Variants in LRRC49 observed in about 807,000 individuals in gnomAD.
LRRC49 encodes the protein leucine rich repeat containing 49, also known as leucine-rich repeat-containing protein 49.
In LRRC49, 50 loss-of-function variants were observed where a neutral mutation model predicts 83.3. The ratio of observed to expected loss-of-function variants is 0.60; its 90% confidence interval spans 0.48 to 0.76. The LOEUF is 0.76. Among genes scored for constraint, LRRC49 ranks in the 30% least tolerant of loss-of-function variants. The pLI is 0.00. For missense variants in LRRC49, 704 were observed against 809.1 expected (o/e 0.87, Z 1.58); for synonymous variants, 286 against 283.3 (o/e 1.01, Z -0.10).
intron 1 of LRRC49, among the ~76,000 whole-genome samples, chr15:70,872,020 G>C (rs914589800): frequency 1.5e-4 from 23 of 152,312 alleles, no homozygotes; most frequent in African/African-American, 4.6e-4. Context: ...CTGCAATCTC[G>C]GCACTTTGGG....
intron 11 of LRRC49, chr15:70,984,696 G>T (rs1395512402): frequency 6.6e-6 from 1 of 152,494 alleles, no homozygotes; most frequent in African/African-American, 2.4e-5. Context: ...AGTTACATAT[G>T]TATACATGTG....
rs1429221131 is a variant in LRRC49 at position 71,050,216 on chromosome 15, AGGTCCTG to A, written c.*607_*613del. On this transcript the variant is annotated 3_prime_UTR_variant, in exon 16 of 16. Transcript: ENST00000260382. Reference sequence around the variant, plus strand: ...GAATGCATTCTCAGGGAACCACAGGAGGTCCTGGGAATCACTATGGGCAGAGAATATG... The same window carrying A: ...GAATGCATTCTCAGGGAACCACAGGAGGAATCACTATGGGCAGAGAATATG... The A allele has an allele frequency of 7.4e-6, 1 of 135,778 alleles. No individual in the cohort carries two copies. Among genetic ancestry groups the A allele is most frequent in the Admixed American group, 7.9e-5 (1 of 12,698 alleles). The allele number at this position is 135,778 out of a possible 1,614,324, so 8.4% of individuals were successfully genotyped here.
chr15:70,955,602 A>G (rs2036371639), intron 8 of LRRC49, among the ~76,000 whole-genome samples: 1 of 152,218 alleles, frequency 6.6e-6, no homozygotes, highest in African/African-American at 2.4e-5. Flanking sequence ...CTTGAAGATC[A>G]TGTAAACCAA....
chr15:70,904,768 G>C lies in LRRC49; in HGVS notation c.500+13G>C. ...TGGGGAAAAACAGGTATTCTTTGTAGAGCAGTTTTTGTAGCCTAATGTTAT... is the reference window on the plus strand; with the variant it reads ...TGGGGAAAAACAGGTATTCTTTGTACAGCAGTTTTTGTAGCCTAATGTTAT... On this transcript the variant is annotated intron_variant, in intron 5 of 15. Transcript: ENST00000260382. 1 of 1,598,156 alleles carries C rather than the reference G, an allele frequency of 6.3e-7. No homozygotes were observed. Among genetic ancestry groups the C allele is most frequent in the African/African-American group, 1.3e-5 (1 of 74,596 alleles).
chr15:70,904,262 T>G (rs2034205555), intron 4 of LRRC49, among the ~76,000 whole-genome samples: 1 of 152,196 alleles, frequency 6.6e-6, no homozygotes, highest in African/African-American at 2.4e-5. Context: ...ATGTTGAATG[T>G]TTTCTCATGT....
intron 9 of LRRC49, among the ~76,000 whole-genome samples, chr15:70,965,187 T>C (rs2036752275): frequency 1.3e-5 from 2 of 152,164 alleles, no homozygotes. Flanking sequence ...TTGAGATGAG[T>C]GGGATAAGAT....
chr15:71,016,385 T>G (rs552403000), intron 14 of LRRC49, among the ~76,000 whole-genome samples: 1 of 152,240 alleles, frequency 6.6e-6, no homozygotes, highest in South Asian at 2.1e-4. Flanking sequence ...GACAGGAAAT[T>G]ATACATCTTT....
chr15:70,907,681 G>A (rs2034373665), intron 5 of LRRC49, among the ~76,000 whole-genome samples: 1 of 152,152 alleles, frequency 6.6e-6, no homozygotes, highest in Non-Finnish European at 1.5e-5. Context: ...CCTTCATATA[G>A]GTCCTGTAGT....
At chr15:71,012,707 A>G in intron 13 of LRRC49, 97 bp from the exon 14 acceptor site, 2 of 689,858 alleles carry the variant, frequency 2.9e-6, no homozygotes, top group Admixed American at 2.5e-5. Context: ...GGCTTAAAAG[A>G]TAATATTTAA....
intron 2 of LRRC49, among the ~76,000 whole-genome samples, chr15:70,876,993 T>TTA (rs2033165394): frequency 6.6e-6 from 1 of 152,218 alleles, no homozygotes; most frequent in South Asian, 2.1e-4. Context: ...AGTCTAATGA[T>TTA]GCCACTCTCC....
chr15:70,988,010 A>G (rs970508704), intron 11 of LRRC49, among the ~76,000 whole-genome samples: 13 of 152,020 alleles, frequency 8.6e-5, no homozygotes, highest in Non-Finnish European at 1.5e-4. Context: ...ATAGTTTGTT[A>G]TAATTTCTGA....
chr15:71,005,687 AG>A (rs2038432066), intron 11 of LRRC49, among the ~76,000 whole-genome samples: 1 of 152,200 alleles, frequency 6.6e-6, no homozygotes, highest in African/African-American at 2.4e-5. Flanking sequence ...TTATCAATAC[AG>A]ATGATTTAGT....
chr15:70,899,116 A>G (rs2033961227), intron 3 of LRRC49, among the ~76,000 whole-genome samples: 1 of 152,226 alleles, frequency 6.6e-6, no homozygotes, highest in South Asian at 2.1e-4. Context: ...AGAAAGTTTA[A>G]GGATAAAATT....
At chr15:70,872,249 A>G (rs2033062817) in intron 1 of LRRC49, among the ~76,000 whole-genome samples, 1 of 152,086 alleles carries the variant, frequency 6.6e-6, no homozygotes, top group African/African-American at 2.4e-5. Context: ...ACAAAAACCA[A>G]TCAGGCGTGG....
upstream of LRRC49, among the ~76,000 whole-genome samples, chr15:70,891,212 A>G (rs550710342): frequency 1.3e-5 from 2 of 152,346 alleles, no homozygotes; most frequent in East Asian, 3.9e-4. Flanking sequence ...ATGCAAAATG[A>G]GTGCAAACAA....
At chr15:70,939,026 A>G (rs1481773288) in intron 8 of LRRC49, among the ~76,000 whole-genome samples, 1 of 152,216 alleles carries the variant, frequency 6.6e-6, no homozygotes, top group African/African-American at 2.4e-5. Flanking sequence ...ATGTCTATGC[A>G]TATGTGTGTA....
chr15:70,936,545 A>T (rs1369221389), intron 7 of LRRC49: 2 of 460,514 alleles, frequency 4.3e-6, no homozygotes, highest in Non-Finnish European at 7.7e-6. Context: ...AGTGCTTTTT[A>T]CCTTGCGAGT....
chr15:71,021,008 C>T lies in LRRC49; in HGVS notation c.1703+8095C>T, dbSNP rs533603954. ...GGAAGAAGAATTGCCTTGGGCTACA[C>T]GTAAAATACACTAACACTAATGATA... On this transcript the variant is annotated intron_variant, in intron 14 of 15. Coordinates refer to ENST00000260382, the MANE Select transcript of LRRC49 (RefSeq NM_017691.5). Among the ~76,000 whole-genome samples the T allele has an allele frequency of 6.6e-5, 10 of 152,060 alleles. No homozygotes were observed. In the South Asian group the frequency reaches 1.9e-3, roughly 28 times the overall value.
chr15:71,018,988 A>G (rs1403940134), intron 14 of LRRC49, among the ~76,000 whole-genome samples: 3 of 152,196 alleles, frequency 2.0e-5, no homozygotes, highest in Admixed American at 1.3e-4. Context: ...AGCCAGATAG[A>G]AAAAATGCAA....
Sources: gnomAD v4.1 joint callset for allele counts (sites outside exome capture counted in the v4.1 genomes callset) on GRCh38, gnomAD v4.1.1 for gene constraint, MANE v1.5 for transcripts, NCBI Gene and HGNC (gene_info 2026-07-23, HGNC 2026-07-21) for gene names.